CHD8: variants seen among roughly 807,000 people sequenced by gnomAD.
The protein encoded by CHD8 is chromodomain helicase DNA binding protein 8, also known as ATP-dependent chromatin remodeler CHD8.
CHD8 carries 31 observed loss-of-function variants against 279.2 expected under a neutral mutation model. That is an observed-to-expected ratio of 0.11 (90% CI 0.08 to 0.15). The LOEUF is 0.15. Ranked by LOEUF, CHD8 falls within the 10% of genes least tolerant of loss-of-function variation. CHD8 has a pLI of 1.00. For missense variants in CHD8, 2,146 were observed against 3,230.5 expected, an observed-to-expected ratio of 0.66 and a Z score of 8.14; for synonymous variants, 1,081 against 1,139.6, an observed-to-expected ratio of 0.95 and a Z score of 1.04.
chr14:21,406,723 C>T, intron 14 of CHD8, 133 bp downstream of exon 14: 2 of 742,018 alleles, frequency 2.7e-6, no homozygotes, highest in Non-Finnish European at 4.2e-6. Context: ...GGTTACCATT[C>T]CCATAGGTCA....
chr14:21,397,781 G>T (rs374300389), intron 27 of CHD8, 42 bp downstream of exon 27: 1 of 1,592,912 alleles, frequency 6.3e-7, no homozygotes. Context: ...GTTATTTCAC[G>T]GCACAAGTTA....
At position 21,408,657 on chromosome 14, in the gene CHD8, T is replaced by G. The variant is rs751305938; in HGVS notation, c.2486+47A>C. 1 of 1,579,280 alleles carries G rather than the reference T, an allele frequency of 6.3e-7. No individual in the cohort carries two copies. The highest frequency in any genetic ancestry group is 1.2e-5 in the South Asian group (1 of 85,346). On this transcript the variant is annotated intron_variant, in intron 12 of 37. Transcript: ENST00000646647. This position sits in a 1 kb window ranked among gnomAD's most constrained non-coding sequence, Gnocchi z 4.3. ...TGTTTCAATAGAAAACAAATAAAAA[T>G]AATCCCAGAACTAAGCTTACATCTT...
Position 21,429,322 on chromosome 14 carries a change from C to G in CHD8, c.857G>C (p.Arg286Pro). 1 of 1,601,846 alleles carries G rather than the reference C, an allele frequency of 6.2e-7. No homozygotes were observed. Among genetic ancestry groups the G allele is most frequent in the Non-Finnish European group, 8.5e-7 (1 of 1,171,514 alleles). Residue 286 changes from arginine (R) to proline (P), a missense_variant, in exon 3 of 38, where the codon CGC becomes CCC. Arg to Pro is a moderately radical substitution (Grantham distance 103). Transcript: ENST00000646647. ...TSTPTQGESKRITLVLQQPQS... is the reference protein window; with the variant it reads ...TSTPTQGESKPITLVLQQPQS... ...TGGCTGCTGGAGGACCAGGGTGATGCGTTTCGATTCACCCTAAAGTGAAGA... is the reference window on the plus strand; with the variant it reads ...TGGCTGCTGGAGGACCAGGGTGATGGGTTTCGATTCACCCTAAAGTGAAGA...
chr14:21,428,758 A>G (rs1395849467), intron 3 of CHD8, among the ~76,000 whole-genome samples: 1 of 152,222 alleles, frequency 6.6e-6, no homozygotes. Context: ...ATAATCTCAT[A>G]TCCCAAACCC....
intron 27 of CHD8, among the ~76,000 whole-genome samples, chr14:21,396,251 A>G (rs1887779105): frequency 6.6e-6 from 1 of 152,088 alleles, no homozygotes; most frequent in Admixed American, 6.5e-5. Flanking sequence ...ACGCCTTGGC[A>G]TCCCAAAATG....
intron 1 of CHD8, among the ~76,000 whole-genome samples, chr14:21,440,245 T>TG (rs1889921786): frequency 6.6e-6 from 1 of 152,164 alleles, no homozygotes; most frequent in Admixed American, 6.5e-5. Context: ...CTCACTCTGT[T>TG]GCCCAGGCTG....
chr14:21,403,527 A>T lies in CHD8; in HGVS notation c.3444T>A (p.Gly1148=). The T allele has an allele frequency of 6.2e-7, 1 of 1,613,854 alleles. No homozygotes were observed. The highest frequency in any genetic ancestry group is 8.5e-7 in the Non-Finnish European group (1 of 1,179,836). The change falls in exon 17 of 38, where the codon GGT becomes GGA. Residue 1148 remains glycine (G), a synonymous_variant. Transcript: ENST00000646647. This position sits in a 1 kb window ranked among gnomAD's most constrained non-coding sequence, Gnocchi z 4.3. The stretch of plus-strand genomic sequence containing the variant: ...GAGAGAAGATCAGAACTTTATGGCC[A>T]CCAGCTTTAAGCTTTGGAAGCAACT... ...IDKLLPKLKA[G]GHKVLIFSQM...
In CHD8 at chr14:21,402,296, TG is replaced by T; in HGVS notation, c.3882+39del. The T allele has an allele frequency of 6.2e-7, 1 of 1,605,686 alleles. No homozygotes were observed. Among genetic ancestry groups the T allele is most frequent in the African/African-American group, 1.3e-5 (1 of 74,886 alleles). On this transcript the variant is annotated intron_variant, in intron 19 of 37. Transcript: ENST00000646647. The surrounding 1 kb of genome is among the most constrained non-coding windows in gnomAD (Gnocchi z 4.5). ...TAGCTTTTGTTTCCCTCTATCACAA[TG>T]ATCTACTACAAACTTATCTATAAAC... is the stretch of plus-strand genomic sequence containing the variant.
In CHD8 at chr14:21,408,183, A is replaced by G; in HGVS notation, c.2730+129T>C. On this transcript the variant is annotated intron_variant, in intron 13 of 37. Coordinates refer to ENST00000646647, the MANE Select transcript of CHD8 (RefSeq NM_001170629.2). The surrounding 1 kb of genome is among the most constrained non-coding windows in gnomAD (Gnocchi z 4.3). The stretch of plus-strand genomic sequence containing the variant: ...CTGCTATACAAAAATGCCTTAAACC[A>G]TAGGCATTTTTGCATAGGCATATTG... 3.4e-6 allele frequency: 4 copies of G among 1,162,974 alleles called. No individual in the cohort carries two copies. The highest frequency in any genetic ancestry group is 4.8e-6 in the Non-Finnish European group (4 of 829,770). 72.0% of individuals were successfully genotyped at this position (1,162,974 alleles called of 1,614,324 possible).
chr14:21,411,427 G>A (rs552079819), intron 10 of CHD8, among the ~76,000 whole-genome samples: 3 of 152,222 alleles, frequency 2.0e-5, no homozygotes, highest in Admixed American at 6.5e-5. Flanking sequence ...AATAAACTTC[G>A]GAATTTTATA....
Position 21,441,890 on chromosome 14 carries a change from A to AAAACAAAC in CHD8, c.-215-10040_-215-10033dup, listed in dbSNP as rs57797895. Among the ~76,000 whole-genome samples the AAAACAAAC allele has an allele frequency of 4.9e-3, 741 of 150,524 alleles. 7 individuals carry two copies. The highest frequency in any genetic ancestry group is 0.016 in the African/African-American group (643 of 41,000). Reference sequence around the variant, plus strand: ...GGTGACAGAGCGAGACTCCACCTCAAAAACAAACAAACAAACAAACAAAAA... The same window carrying AAAACAAAC: ...GGTGACAGAGCGAGACTCCACCTCAAAAACAAACAAACAAACAAACAAACAAACAAAAA... On this transcript the variant is annotated intron_variant, in intron 1 of 37. Coordinates refer to ENST00000646647, the MANE Select transcript of CHD8 (RefSeq NM_001170629.2).
At chr14:21,432,518 T>G (rs1889605607) in intron 1 of CHD8, among the ~76,000 whole-genome samples, 1 of 152,230 alleles carries the variant, frequency 6.6e-6, no homozygotes, top group Admixed American at 6.5e-5. Flanking sequence ...GATTCAACAT[T>G]GTTTCCAATT....
In CHD8 at chr14:21,408,070, G is replaced by A. The variant is rs963703633; in HGVS notation, c.2730+242C>T. 6.6e-6 allele frequency among the ~76,000 whole-genome samples: 1 copy of A among 152,052 alleles called. No homozygotes were observed. ...GCTGACAAAATTCTACTTAAAATGT[G>A]TATGTTCATAAATAAAATCAGAACT... On this transcript the variant is annotated intron_variant, in intron 13 of 37. Coordinates refer to ENST00000646647, the MANE Select transcript of CHD8 (RefSeq NM_001170629.2). The surrounding 1 kb of genome is among the most constrained non-coding windows in gnomAD (Gnocchi z 4.3).
At chr14:21,450,992 C>T (rs375574076) in intron 1 of CHD8, among the ~76,000 whole-genome samples, 8 of 152,102 alleles carry the variant, frequency 5.3e-5, no homozygotes, top group African/African-American at 1.9e-4. Flanking sequence ...ATGAAATAAA[C>T]AACAAATAAA....
chr14:21,436,779 A>C, intron 1 of CHD8: 1 of 389,176 alleles, frequency 2.6e-6, no homozygotes, highest in Non-Finnish European at 5.0e-6. Context: ...TCAGGGGGTA[A>C]AGAAGAAACT....
intron 5 of CHD8, among the ~76,000 whole-genome samples, chr14:21,422,937 A>C (rs1889115353): frequency 2.0e-5 from 3 of 151,946 alleles, no homozygotes; most frequent in Admixed American, 2.0e-4. Context: ...TCAGAAAAAA[A>C]GAAGGCCAGG....
chr14:21,418,823 A>AAAAT (rs938912309), intron 5 of CHD8, among the ~76,000 whole-genome samples: 11 of 152,208 alleles, frequency 7.2e-5, no homozygotes, highest in African/African-American at 1.9e-4. Context: ...TCCGTCTCAA[A>AAAAT]AAATAAATAA....
chr14:21,432,655 G>C (rs1390888127), intron 1 of CHD8, among the ~76,000 whole-genome samples: 1 of 152,034 alleles, frequency 6.6e-6, no homozygotes, highest in South Asian at 2.1e-4. Context: ...CTTTCTGCCT[G>C]GAACACGTCC....
intron 25 of CHD8, 119 bp from the exon 26 acceptor site, chr14:21,399,824 C>T (rs915701569): frequency 3.3e-6 from 3 of 923,048 alleles, no homozygotes; most frequent in African/African-American, 3.3e-5. Flanking sequence ...ATGCATCTAC[C>T]CTATTTCCTC....
Sources: allele counts gnomAD v4.1 joint callset (sites outside exome capture counted in the v4.1 genomes callset), GRCh38; gene constraint gnomAD v4.1.1; non-coding constraint Gnocchi (gnomAD v3.1); transcripts MANE v1.5; gene names NCBI Gene and HGNC (gene_info 2026-07-23, HGNC 2026-07-21).